The following ARMH3 variants were observed in gnomAD, a reference collection of about 807,000 sequenced individuals.
The protein encoded by ARMH3 is armadillo-like helical domain-containing protein 3.
Under a neutral mutation model 99.1 loss-of-function variants are expected in ARMH3, and 60 were observed. That is an observed-to-expected ratio of 0.61 (90% CI 0.49 to 0.75). The LOEUF (loss-of-function observed/expected upper bound fraction) is 0.75. ARMH3 is among the 30% of genes least tolerant of loss of function. ARMH3 has a pLI of 0.00. For synonymous variants in ARMH3, 285 were observed against 292.8 expected, an observed-to-expected ratio of 0.97 and a Z score of 0.27; for missense variants, 679 against 843.1, an observed-to-expected ratio of 0.81 and a Z score of 2.41.
intron 1 of ARMH3, among the ~76,000 whole-genome samples, chr10:102,048,295 T>C (rs1408660032): frequency 6.6e-6 from 1 of 152,214 alleles, no homozygotes; most frequent in Non-Finnish European, 1.5e-5. Flanking sequence ...GACTATAGTA[T>C]CCACAATACT....
At chr10:101,852,553 C>T (rs1297927791) in intron 24 of ARMH3, among the ~76,000 whole-genome samples, 1 of 152,110 alleles carries the variant, frequency 6.6e-6, no homozygotes, top group South Asian at 2.1e-4. Flanking sequence ...GTCAGGAGTT[C>T]GAGACCAGCT....
chr10:101,855,922 C>T (rs2066728276), intron 24 of ARMH3, among the ~76,000 whole-genome samples: 2 of 151,648 alleles, frequency 1.3e-5, no homozygotes, highest in African/African-American at 4.8e-5. Flanking sequence ...GATTATATAC[C>T]AGAATTTTCT....
intron 24 of ARMH3, among the ~76,000 whole-genome samples, chr10:101,877,570 C>T (rs923300030): frequency 1.1e-4 from 17 of 151,862 alleles, no homozygotes; most frequent in Admixed American, 4.6e-4. Context: ...ACAGGAGAAT[C>T]GCTTGAACCC....
chr10:101,992,390 AAATAAT>A (rs952747360), intron 17 of ARMH3, among the ~76,000 whole-genome samples: 1 of 152,194 alleles, frequency 6.6e-6, no homozygotes, highest in Non-Finnish European at 1.5e-5. Context: ...CTTTGACGAT[AAATAAT>A]AATAATAAAA....
At chr10:101,889,325 A>G in intron 24 of ARMH3, 87 bp downstream of exon 24, 1 of 1,306,766 alleles carries the variant, frequency 7.7e-7, no homozygotes, top group South Asian at 1.2e-5. Context: ...ACAAAAGCTC[A>G]GTCACAGAAT....
chr10:101,966,422 G>A (rs1249679553), intron 20 of ARMH3, among the ~76,000 whole-genome samples: 8 of 149,770 alleles, frequency 5.3e-5, no homozygotes, highest in African/African-American at 1.5e-4. Flanking sequence ...GATTACAGGC[G>A]CCCGCCACCA....
At chr10:102,013,855 C>T (rs1590183968) in intron 9 of ARMH3, 113 bp downstream of exon 9, 8 of 860,958 alleles carry the variant, frequency 9.3e-6, no homozygotes, top group African/African-American at 5.1e-5. Context: ...TCTCTATAAC[C>T]GGATGAAATT....
At chr10:101,969,094 T>C (rs917708114) in intron 20 of ARMH3, among the ~76,000 whole-genome samples, 1 of 152,104 alleles carries the variant, frequency 6.6e-6, no homozygotes, top group Non-Finnish European at 1.5e-5. Flanking sequence ...AAGATAGAAA[T>C]AGCAGCTGCC....
Position 102,029,685 on chromosome 10 carries a change from T to C in ARMH3, c.367A>G (p.Ile123Val), listed in dbSNP as rs746110105. ...TCAAAGCCCATCAGCATGTTGATAA[T>C]GTCAAACCCAGAGGTAGACTTATTC... is the stretch of plus-strand genomic sequence containing the variant. ...QKNKSTSGFDIINMLMGFDKA... is the reference protein window; with the variant it reads ...QKNKSTSGFDVINMLMGFDKA... The change falls in exon 5 of 26, where the codon ATT (isoleucine) becomes GTT (valine). Residue 123 changes from isoleucine to valine, a missense_variant. By Grantham distance (29) the Ile-to-Val change is conservative. Transcript: ENST00000370033. 26 of 1,614,186 alleles carry C rather than the reference T, an allele frequency of 1.6e-5. 1 individual carries two copies. The highest frequency in any genetic ancestry group is 2.2e-5 in the East Asian group (1 of 44,886).
intron 24 of ARMH3, among the ~76,000 whole-genome samples, 198 bp from the exon 25 acceptor site, chr10:101,850,090 C>CTTTTTTTTTTTTTT (rs754571008): frequency 1.1e-5 from 1 of 91,308 alleles, no homozygotes; most frequent in Non-Finnish European, 2.0e-5. Context: ...CTCTCTCTCT[C>CTTTTTTTTTTTTTT]TTTTTTTTTT....
chr10:101,892,769 T>A (rs981387220), intron 23 of ARMH3, among the ~76,000 whole-genome samples: 3 of 152,140 alleles, frequency 2.0e-5, no homozygotes, highest in Non-Finnish European at 4.4e-5. Context: ...GTACATATAA[T>A]AAAAACTTGG....
At chr10:101,948,522 T>C (rs749250696) in intron 22 of ARMH3, among the ~76,000 whole-genome samples, 1 of 152,194 alleles carries the variant, frequency 6.6e-6, no homozygotes, top group Non-Finnish European at 1.5e-5. Flanking sequence ...GAGGATATTA[T>C]ATAATGATAA....
intron 24 of ARMH3, among the ~76,000 whole-genome samples, chr10:101,887,866 A>G: frequency 6.6e-6 from 1 of 151,820 alleles, no homozygotes; most frequent in East Asian, 1.9e-4. Context: ...TCATCATTTC[A>G]TTTAACTTTG....
At chr10:102,002,186 A>T (rs984582419) in intron 14 of ARMH3, 114 bp from the exon 15 acceptor site, 2 of 1,475,168 alleles carry the variant, frequency 1.4e-6, no homozygotes, top group Admixed American at 2.1e-5. Flanking sequence ...CTTTTTCCAC[A>T]ACAGAGGGAG....
rs888665812 is a variant in ARMH3 at position 101,949,895 on chromosome 10, A to G, written c.1705+6702T>C. The stretch of plus-strand genomic sequence containing the variant: ...AAAATCAATCACTATACTAACAGAC[A>G]ATAGTAGGAAAACCATGTAATCATG... On this transcript the variant is annotated intron_variant, in intron 22 of 25. Coordinates refer to ENST00000370033, the MANE Select transcript of ARMH3 (RefSeq NM_024541.3). Among the ~76,000 whole-genome samples, 3 of 152,326 alleles carry G rather than the reference A, an allele frequency of 2.0e-5. No individual in the cohort carries two copies. The South Asian group carries it at 6.2e-4, about 32-fold the overall frequency.
chr10:101,890,158 T>C (rs752045752), intron 23 of ARMH3, among the ~76,000 whole-genome samples: 4 of 152,004 alleles, frequency 2.6e-5, no homozygotes, highest in Non-Finnish European at 5.9e-5. Flanking sequence ...ACACAGGTTT[T>C]AGATCAGGGT....
chr10:102,006,018 C>T (rs1164224034), intron 14 of ARMH3, among the ~76,000 whole-genome samples: 1 of 152,186 alleles, frequency 6.6e-6, no homozygotes, highest in Non-Finnish European at 1.5e-5. Flanking sequence ...CTATGCTAGG[C>T]ATTTAGTAGT....
At chr10:102,032,185 G>A (rs548302210) in intron 4 of ARMH3, among the ~76,000 whole-genome samples, 1 of 152,228 alleles carries the variant, frequency 6.6e-6, no homozygotes, top group South Asian at 2.1e-4. Flanking sequence ...GCTATGCACT[G>A]CTCTCTGGGC....
chr10:102,006,429 T>A, intron 14 of ARMH3, 111 bp downstream of exon 14: 1 of 1,242,692 alleles, frequency 8.0e-7, no homozygotes, highest in Non-Finnish European at 1.1e-6. Flanking sequence ...ACAGACCAAT[T>A]TAGTGGGAAA....
Sources: allele counts gnomAD v4.1 joint callset (sites outside exome capture counted in the v4.1 genomes callset), GRCh38; gene constraint gnomAD v4.1.1; transcripts MANE v1.5; gene names NCBI Gene and HGNC (gene_info 2026-07-23, HGNC 2026-07-21).